Variants in ENOX1 observed in about 807,000 individuals in gnomAD.
ENOX1 encodes candidate growth-related and time keeping constitutive hydroquinone (NADH) oxidase.
In ENOX1, 42 loss-of-function variants were observed where a neutral mutation model predicts 82.5. The ratio of observed to expected loss-of-function variants is 0.51; its 90% confidence interval spans 0.40 to 0.66. The LOEUF is 0.66. Among genes scored for constraint, ENOX1 ranks in the 30% least tolerant of loss-of-function variants. The pLI is 0.00. For synonymous variants in ENOX1, 271 were observed against 282.2 expected, an observed-to-expected ratio of 0.96 and a Z score of 0.40; for missense variants, 608 against 811.6, an observed-to-expected ratio of 0.75 and a Z score of 3.05.
At chr13:43,690,045 T>C (rs1282593334) in intron 1 of ENOX1, among the ~76,000 whole-genome samples, 4 of 152,284 alleles carry the variant, frequency 2.6e-5, no homozygotes, top group Non-Finnish European at 2.9e-5. Flanking sequence ...CCCCTGTTCC[T>C]TGGCTCTTCC....
At chr13:43,531,840 C>T (rs549349127) in intron 2 of ENOX1, among the ~76,000 whole-genome samples, 222 of 150,122 alleles carry the variant, frequency 1.5e-3, no homozygotes, top group South Asian at 4.9e-3. Flanking sequence ...AACCCAACAC[C>T]GCATGTTCTC....
intron 5 of ENOX1, among the ~76,000 whole-genome samples, chr13:43,377,611 G>A (rs2051732109): frequency 6.6e-6 from 1 of 152,170 alleles, no homozygotes; most frequent in African/African-American, 2.4e-5. Context: ...AAGAAGGTAT[G>A]GGAAAAGGTA....
rs184586489 is a variant in ENOX1, at chr13:43,707,511, G to A, written c.-284-39967C>T. Among the ~76,000 whole-genome samples the A allele has an allele frequency of 3.9e-4, 60 of 152,160 alleles. No homozygotes were observed. In the East Asian group the frequency reaches 7.0e-3, roughly 18 times the overall value. ...AGCACTTTGGGAGGCCAAGGCGGGC[G>A]GATCATGAGGTCAAGAGATCGAGAC... On this transcript the variant is annotated intron_variant, in intron 1 of 16. Coordinates refer to ENST00000690772, the MANE Select transcript of ENOX1 (RefSeq NM_001347969.2).
chr13:43,353,392 T>C (rs999559177), intron 8 of ENOX1, among the ~76,000 whole-genome samples: 12 of 152,324 alleles, frequency 7.9e-5, no homozygotes, highest in Non-Finnish European at 1.6e-4. Flanking sequence ...GAAAAGTATC[T>C]GTAATAAATC....
chr13:43,630,929 G>T (rs971887293), intron 2 of ENOX1, among the ~76,000 whole-genome samples: 9 of 129,392 alleles, frequency 7.0e-5, no homozygotes, highest in Non-Finnish European at 9.0e-5. Context: ...ATGTGTGTGT[G>T]TGTTTGTGTG....
intron 3 of ENOX1, among the ~76,000 whole-genome samples, chr13:43,467,526 T>TTTTA (rs1555288423): frequency 0.45 from 67,132 of 147,984 alleles, 15,258 homozygotes; most frequent in Non-Finnish European, 0.5. Context: ...TTTAAAATTT[T>TTTTA]AAATTTTAAA....
At chr13:43,651,067 C>A (rs543609534) in intron 2 of ENOX1, among the ~76,000 whole-genome samples, 8 of 152,256 alleles carry the variant, frequency 5.3e-5, no homozygotes, top group Non-Finnish European at 8.8e-5. Flanking sequence ...ATGTGGCTTC[C>A]GTGTTTCTAT....
At chr13:43,269,623 G>A (rs1276222666) in intron 12 of ENOX1, 46 bp from the exon 13 acceptor site, 2 of 1,481,116 alleles carry the variant, frequency 1.4e-6, no homozygotes, top group East Asian at 2.3e-5. Flanking sequence ...TGAAGGTCAG[G>A]TGATTTAAAA....
At chr13:43,339,429 T>C (rs1266825299) in intron 9 of ENOX1, among the ~76,000 whole-genome samples, 5 of 152,212 alleles carry the variant, frequency 3.3e-5, no homozygotes, top group African/African-American at 1.2e-4. Context: ...ATTGGTTATT[T>C]CCAGCCAAAT....
At chr13:43,311,363 G>GT (rs35451999) in intron 11 of ENOX1, among the ~76,000 whole-genome samples, 102 of 150,920 alleles carry the variant, frequency 6.8e-4, no homozygotes, top group African/African-American at 2.3e-3. Flanking sequence ...AGGTAATAGG[G>GT]TTTTTTTTTT....
At chr13:43,398,728 G>A (rs1191963599) in intron 5 of ENOX1, among the ~76,000 whole-genome samples, 1 of 151,492 alleles carries the variant, frequency 6.6e-6, no homozygotes, top group Non-Finnish European at 1.5e-5. Context: ...TGAAGACGAG[G>A]AGCATGGAGA....
At chr13:43,545,096 T>C (rs912364311) in intron 2 of ENOX1, 1 of 152,134 alleles carries the variant, frequency 6.6e-6, no homozygotes, top group Non-Finnish European at 1.5e-5. Flanking sequence ...TGGCAGCACA[T>C]GCTCTCCTGA....
Position 43,267,678 on chromosome 13 carries a change from G to A in ENOX1, c.1554+1792C>T, listed in dbSNP as rs538349727. On this transcript the variant is annotated intron_variant, in intron 13 of 16. Transcript: ENST00000690772. ...GTGTCATCAGTGCACATCTGTGTGTGGGTACAGGGACATGGAAAGAAACCT... is the reference window on the plus strand; with the variant it reads ...GTGTCATCAGTGCACATCTGTGTGTAGGTACAGGGACATGGAAAGAAACCT... 2.4e-3 allele frequency among the ~76,000 whole-genome samples: 370 copies of A among 152,306 alleles called. 4 individuals carry two copies. Among genetic ancestry groups the A allele is most frequent in the African/African-American group, 8.3e-3 (343 of 41,564 alleles).
chr13:43,252,622 A>G (rs545365258), intron 14 of ENOX1, among the ~76,000 whole-genome samples: 73 of 152,314 alleles, frequency 4.8e-4, no homozygotes, highest in African/African-American at 1.7e-3. Context: ...TGAATTAGGA[A>G]CACGTGGAGG....
At chr13:43,499,569 A>G (rs1311147053) in intron 2 of ENOX1, among the ~76,000 whole-genome samples, 2 of 151,990 alleles carry the variant, frequency 1.3e-5, no homozygotes, top group Non-Finnish European at 2.9e-5. Context: ...AGACCCTGTC[A>G]AATGTCCTGC....
intron 2 of ENOX1, among the ~76,000 whole-genome samples, chr13:43,626,853 T>A (rs1251108772): frequency 6.6e-6 from 1 of 151,970 alleles, no homozygotes; most frequent in Non-Finnish European, 1.5e-5. Flanking sequence ...TGATTTTCTG[T>A]ATAACTGTCC....
chr13:43,273,177 G>A (rs893552160), intron 12 of ENOX1, among the ~76,000 whole-genome samples: 8 of 152,060 alleles, frequency 5.3e-5, no homozygotes, highest in Non-Finnish European at 1.2e-4. Context: ...GTCTTTCCCT[G>A]GTAACCAGAG....
intron 1 of ENOX1, among the ~76,000 whole-genome samples, chr13:43,750,808 C>A (rs554966107): frequency 1.3e-5 from 2 of 152,288 alleles, no homozygotes; most frequent in Admixed American, 6.5e-5. Context: ...AAAATAGTTG[C>A]ATGGGAAGTA....
chr13:43,345,875 T>TA, intron 8 of ENOX1, among the ~76,000 whole-genome samples: 1 of 152,264 alleles, frequency 6.6e-6, no homozygotes. Context: ...CCCATTCATT[T>TA]AAAAAATACT....
Sources: gnomAD v4.1 joint callset for allele counts (sites outside exome capture counted in the v4.1 genomes callset) on GRCh38, gnomAD v4.1.1 for gene constraint, MANE v1.5 for transcripts, NCBI Gene and HGNC (gene_info 2026-07-23, HGNC 2026-07-21) for gene names.